AHRR: variants seen among roughly 807,000 people sequenced by gnomAD.
AHRR encodes ahR repressor.
Under a neutral mutation model 44.0 loss-of-function variants are expected in AHRR, and 28 were observed. The observed-to-expected ratio is 0.64, with a 90% CI of 0.47 to 0.87. The LOEUF is 0.87. Ranked by LOEUF, AHRR falls within the 40% of genes least tolerant of loss-of-function variation. The probability of loss-of-function intolerance (pLI) is 0.00; values close to 1 mark genes in which losing one functional copy is unlikely to be tolerated. For synonymous variants in AHRR, 434 were observed against 407.0 expected (o/e 1.07, Z -0.80); for missense variants, 990 against 953.9 (o/e 1.04, Z -0.50).
chr5:356,289 G>A (rs1224531321), intron 3 of AHRR, among the ~76,000 whole-genome samples: 5 of 152,172 alleles, frequency 3.3e-5, no homozygotes, highest in Non-Finnish European at 7.4e-5. Flanking sequence ...AGGGGAGCTG[G>A]GCCCCTTCTA....
intron 2 of AHRR, among the ~76,000 whole-genome samples, chr5:349,807 C>T (rs967879361): frequency 1.2e-4 from 18 of 152,162 alleles, no homozygotes; most frequent in Non-Finnish European, 2.4e-4. Flanking sequence ...GAGGGTAGAG[C>T]TGGTGTCCGT....
At chr5:348,329 C>T (rs1341829756) in intron 2 of AHRR, among the ~76,000 whole-genome samples, 1 of 150,986 alleles carries the variant, frequency 6.6e-6, no homozygotes, top group Non-Finnish European at 1.5e-5. Flanking sequence ...GGATTCCCCC[C>T]CTCCTTTTTT....
At position 326,889 on chromosome 5, in the gene AHRR, TCTCTA is replaced by T. The variant is rs1445408942; in HGVS notation, c.-11+5072_-11+5076del. Among the ~76,000 whole-genome samples, 2 of 152,090 alleles carry T rather than the reference TCTCTA, an allele frequency of 1.3e-5. No homozygotes were observed. Among genetic ancestry groups the T allele is most frequent in the African/African-American group, 4.8e-5 (2 of 41,416 alleles). ...GCCTGACCAATATGGTGAAACCCCA[TCTCTA>T]CCAAAAATACAAAAATTAGCCAGGC... On this transcript the variant is annotated intron_variant, in intron 1 of 10. Coordinates refer to ENST00000684583, the MANE Select transcript of AHRR (RefSeq NM_001377236.1). The surrounding 1 kb of genome is among the most constrained non-coding windows in gnomAD (Gnocchi z 4.1).
Position 434,577 on chromosome 5 carries a change from C to A in AHRR, c.1837C>A (p.Pro613Thr), listed in dbSNP as rs1204576668. 1 of 1,581,922 alleles carries A rather than the reference C, an allele frequency of 6.3e-7. No homozygotes were observed. The highest frequency in any genetic ancestry group is 2.3e-5 in the East Asian group (1 of 42,946). ...CAGCAGGGAGCTGACCCCTTTCCAC[C>A]CTGCACACTGTGCCTGCCTGGAGCC... ...GRSRELTPFH[P>T]AHCACLEPTD... Residue 613 changes from proline (P) to threonine (T), a missense_variant, in exon 11 of 11, where the codon CCT becomes ACT. Coordinates refer to ENST00000684583, the MANE Select transcript of AHRR (RefSeq NM_001377236.1).
At chr5:382,474 G>A (rs1734023896) in intron 4 of AHRR, among the ~76,000 whole-genome samples, 1 of 152,138 alleles carries the variant, frequency 6.6e-6, no homozygotes, top group South Asian at 2.1e-4. Context: ...ATCTTTTAAT[G>A]TCTGTAGGTT....
intron 4 of AHRR, among the ~76,000 whole-genome samples, chr5:396,273 A>G (rs932256683): frequency 6.6e-6 from 1 of 151,990 alleles, no homozygotes; most frequent in African/African-American, 2.4e-5. Context: ...GCTGGAAAGG[A>G]CGGCCGTGTG....
At chr5:399,378 A>G (rs1185367972) in intron 4 of AHRR, among the ~76,000 whole-genome samples, 1 of 152,232 alleles carries the variant, frequency 6.6e-6, no homozygotes, top group Admixed American at 6.5e-5. Context: ...AGTGCGTTTC[A>G]CACTCAGGGT....
At chr5:390,521 A>T (rs2672740) in intron 4 of AHRR, among the ~76,000 whole-genome samples, 2 of 152,064 alleles carry the variant, frequency 1.3e-5, no homozygotes, top group African/African-American at 4.8e-5. Flanking sequence ...CCGGAGAAGC[A>T]TTTGACGTTA....
intron 2 of AHRR, among the ~76,000 whole-genome samples, chr5:346,057 A>G (rs571093947): frequency 1.1e-3 from 164 of 152,276 alleles, no homozygotes; most frequent in Non-Finnish European, 1.7e-3. Flanking sequence ...GCGCAAAACC[A>G]TGCCTGGGGC....
intron 2 of AHRR, among the ~76,000 whole-genome samples, chr5:346,062 T>TG (rs1430296917): frequency 6.6e-6 from 1 of 152,124 alleles, no homozygotes; most frequent in African/African-American, 2.4e-5. Context: ...AAACCATGCC[T>TG]GGGGCCAGGC....
In AHRR at chr5:422,732, G is replaced by A; in HGVS notation, c.445G>A (p.Asp149Asn). ...TAATCTTGTTGCGCTATTTCAGACG[G>A]ATGTAATGCACCAGAACATTTATGA... ...IVDYLGFHQT[D>N]VMHQNIYDYI... Residue 149 changes from aspartate to asparagine, a missense_variant, in exon 6 of 11, where the codon GAT (aspartate) becomes AAT (asparagine). Physicochemically the swap from Asp to Asn is conservative, Grantham distance 23 (BLOSUM62 1). Coordinates refer to ENST00000684583, the MANE Select transcript of AHRR (RefSeq NM_001377236.1). 1 of 1,614,188 alleles carries A rather than the reference G, an allele frequency of 6.2e-7. No individual in the cohort carries two copies.
chr5:325,998 G>A (rs1343501475), intron 1 of AHRR, among the ~76,000 whole-genome samples: 1 of 152,072 alleles, frequency 6.6e-6, no homozygotes, highest in Non-Finnish European at 1.5e-5. Context: ...GGCCAGGCTG[G>A]TCTTGAACTC....
chr5:340,688 ATTTTTT>A (rs539789608), intron 1 of AHRR, among the ~76,000 whole-genome samples: 23 of 12,914 alleles, frequency 1.8e-3, no homozygotes, highest in South Asian at 4.0e-3. Context: ...ATATATATAT[ATTTTTT>A]TTTTTTTTTT....
At chr5:421,185 C>G (rs1448237001) in intron 5 of AHRR, 6 of 620,574 alleles carry the variant, frequency 9.7e-6, no homozygotes, top group Admixed American at 2.7e-5. Flanking sequence ...CGGCTGGTGC[C>G]GGGCAGGAGG....
At chr5:348,222 C>T (rs1030982204) in intron 2 of AHRR, among the ~76,000 whole-genome samples, 1 of 152,166 alleles carries the variant, frequency 6.6e-6, no homozygotes, top group East Asian at 1.9e-4. Flanking sequence ...ATGCCCTGTG[C>T]CACCAGGAGC....
chr5:393,700 C>T (rs1452577342), intron 4 of AHRR, among the ~76,000 whole-genome samples: 3 of 152,016 alleles, frequency 2.0e-5, no homozygotes, highest in Non-Finnish European at 4.4e-5. Flanking sequence ...TGCAGTGGTA[C>T]GATCTTGGCT....
intron 3 of AHRR, among the ~76,000 whole-genome samples, chr5:374,533 A>G (rs940010541): frequency 3.3e-5 from 5 of 152,170 alleles, no homozygotes; most frequent in African/African-American, 1.2e-4. Flanking sequence ...CTTCCTCGGA[A>G]TAGTCCTGCT....
chr5:369,668 C>T (rs879679290), intron 3 of AHRR, among the ~76,000 whole-genome samples: 4 of 152,230 alleles, frequency 2.6e-5, no homozygotes, highest in Non-Finnish European at 4.4e-5. Flanking sequence ...CGAGTGCTTC[C>T]TCTAAACCTT....
intron 8 of AHRR, 105 bp downstream of exon 8, chr5:428,111 A>G: frequency 1.1e-5 from 15 of 1,306,428 alleles, no homozygotes; most frequent in Non-Finnish European, 1.5e-5. Context: ...ATTTCCAGCC[A>G]GTAATAAGTC....
Sources: gnomAD v4.1 joint callset for allele counts (sites outside exome capture counted in the v4.1 genomes callset) on GRCh38, gnomAD v4.1.1 for gene constraint, Gnocchi (gnomAD v3.1) non-coding constraint, MANE v1.5 for transcripts, NCBI Gene and HGNC (gene_info 2026-07-23, HGNC 2026-07-21) for gene names.